MAEL: variants seen among roughly 807,000 people sequenced by gnomAD.
The protein encoded by MAEL is protein maelstrom homolog.
A neutral mutation model predicts 62.0 loss-of-function variants in MAEL; 46 were observed. That is an observed-to-expected ratio of 0.74 (90% CI 0.59 to 0.95). MAEL has a LOEUF of 0.95. MAEL is among the 40% of genes least tolerant of loss of function. The pLI is 0.00. For synonymous variants in MAEL, 172 were observed against 175.5 expected (o/e 0.98, Z 0.16); for missense variants, 497 against 526.8 (o/e 0.94, Z 0.55).
chr1:167,006,209 G>T (rs1339957924), intron 8 of MAEL: 2 of 152,050 alleles, frequency 1.3e-5, no homozygotes, highest in South Asian at 4.1e-4. Flanking sequence ...TATTCATATT[G>T]TATTAGTTAT....
chr1:167,004,692 A>G (rs955335045), intron 6 of MAEL, among the ~76,000 whole-genome samples: 1 of 152,040 alleles, frequency 6.6e-6, no homozygotes, highest in African/African-American at 2.4e-5. Context: ...TTTGTTTGTA[A>G]TATTTAGAGA....
intron 5 of MAEL, among the ~76,000 whole-genome samples, chr1:167,001,334 C>A (rs1231517008): frequency 6.6e-6 from 1 of 152,082 alleles, no homozygotes; most frequent in Non-Finnish European, 1.5e-5. Flanking sequence ...GTGATGGGTC[C>A]ACCAAAATCT....
chr1:167,021,220 TC>T, intron 11 of MAEL, 60 bp downstream of exon 11: 1 of 1,163,774 alleles, frequency 8.6e-7, no homozygotes, highest in Non-Finnish European at 1.3e-6. Context: ...ATTACTAAGA[TC>T]CCAGGTGTGG....
At chr1:167,007,681 C>T (rs1223573281) in intron 8 of MAEL, among the ~76,000 whole-genome samples, 1 of 151,892 alleles carries the variant, frequency 6.6e-6, no homozygotes, top group East Asian at 1.9e-4. Flanking sequence ...CATGAGTTCA[C>T]ACTTAACCTG....
At chr1:166,987,016 T>A (rs756448051), upstream of MAEL, among the ~76,000 whole-genome samples, 4 of 151,866 alleles carry the variant, frequency 2.6e-5, no homozygotes, top group Non-Finnish European at 4.4e-5. Flanking sequence ...TTTGTTTTTA[T>A]GCCAATGTTT....
intron 5 of MAEL, among the ~76,000 whole-genome samples, chr1:166,994,703 C>G (rs1664338231): frequency 7.5e-6 from 1 of 133,094 alleles, no homozygotes; most frequent in Non-Finnish European, 1.5e-5. Flanking sequence ...CGGAGCCTTG[C>G]TCTGTCACCA....
chr1:166,998,293 T>C (rs1052401239), intron 5 of MAEL, among the ~76,000 whole-genome samples: 1 of 152,226 alleles, frequency 6.6e-6, no homozygotes, highest in African/African-American at 2.4e-5. Flanking sequence ...CGTAATATCT[T>C]TCAATAAAAT....
At chr1:166,979,519 A>C (rs558002765) in intron 1 of MAEL, among the ~76,000 whole-genome samples, 30 of 152,366 alleles carry the variant, frequency 2.0e-4, no homozygotes, top group African/African-American at 7.0e-4. Flanking sequence ...TTGATTAAGA[A>C]AATGCTTTAA....
At position 167,021,974 on chromosome 1, in the gene MAEL, G is replaced by C. The variant is rs893687733; in HGVS notation, c.*119G>C. ...CACTACTATAAAAACTACTTAATTTGTAAGGAAATTGTTTCATAGATTTAA... is the reference window on the plus strand; with the variant it reads ...CACTACTATAAAAACTACTTAATTTCTAAGGAAATTGTTTCATAGATTTAA... On this transcript the variant is annotated 3_prime_UTR_variant, in exon 12 of 12. Coordinates refer to ENST00000367872, the MANE Select transcript of MAEL (RefSeq NM_032858.3). The C allele has an allele frequency of 1.5e-6, 1 of 670,006 alleles. No homozygotes were observed. The highest frequency in any genetic ancestry group is 2.4e-6 in the Non-Finnish European group (1 of 420,936). The allele number at this position is 670,006 out of a possible 1,614,324, so 41.5% of individuals were successfully genotyped here. A position where few individuals can be genotyped will look rare whatever the true frequency, so the allele number is the denominator to read the frequency against.
At chr1:166,989,223 G>C (rs150046632), upstream of MAEL, 2 of 1,244,978 alleles carry the variant, frequency 1.6e-6, no homozygotes, top group African/African-American at 1.5e-5. Flanking sequence ...GCGACTGCGC[G>C]TCGCTTCCTG....
chr1:167,010,281 C>G (rs1665112718), intron 8 of MAEL, among the ~76,000 whole-genome samples: 1 of 152,158 alleles, frequency 6.6e-6, no homozygotes, highest in African/African-American at 2.4e-5. Context: ...AGTTAAACCT[C>G]TTTCCTTTAT....
chr1:166,977,911 A>G (rs1327338779), intron 1 of MAEL, among the ~76,000 whole-genome samples: 3 of 152,158 alleles, frequency 2.0e-5, no homozygotes, highest in Non-Finnish European at 4.4e-5. Flanking sequence ...TGACCACGCT[A>G]CTGGACTCCA....
At chr1:166,981,048 G>C (rs1410772877) in intron 1 of MAEL, among the ~76,000 whole-genome samples, 1 of 152,198 alleles carries the variant, frequency 6.6e-6, no homozygotes, top group Non-Finnish European at 1.5e-5. Context: ...GCAGGGAAGA[G>C]AGCTAGAATG....
chr1:166,992,925 T>C (rs996777583), intron 4 of MAEL, 84 bp downstream of exon 4: 16 of 1,147,456 alleles, frequency 1.4e-5, no homozygotes, highest in Admixed American at 2.7e-5. Context: ...ATAGTACTTT[T>C]TCTTACAAGC....
At chr1:167,003,310 G>A (rs753560752) in intron 5 of MAEL, among the ~76,000 whole-genome samples, 2 of 152,182 alleles carry the variant, frequency 1.3e-5, no homozygotes, top group Non-Finnish European at 2.9e-5. Context: ...GATCGCCTCA[G>A]ACATAATTAT....
chr1:167,018,462 T>C (rs562665029), intron 10 of MAEL, among the ~76,000 whole-genome samples: 4 of 152,282 alleles, frequency 2.6e-5, no homozygotes, highest in Non-Finnish European at 5.9e-5. Flanking sequence ...TAGGTTCTGC[T>C]ACATACAAGT....
intron 4 of MAEL, 64 bp from the exon 5 acceptor site, chr1:166,993,964 G>C (rs1664298462): frequency 8.1e-7 from 1 of 1,240,254 alleles, no homozygotes; most frequent in Non-Finnish European, 1.2e-6. Context: ...ATCTTGTAGA[G>C]TATTACTGTA....
intron 8 of MAEL, among the ~76,000 whole-genome samples, chr1:167,015,936 A>G (rs1241971490): frequency 6.6e-6 from 1 of 152,248 alleles, no homozygotes; most frequent in East Asian, 1.9e-4. Context: ...ACATTGAATA[A>G]ATGTTTGTTG....
intron 4 of MAEL, 102 bp downstream of exon 4, chr1:166,992,943 C>T (rs890775552): frequency 6.4e-6 from 6 of 944,708 alleles, no homozygotes; most frequent in Admixed American, 2.9e-5. Context: ...AGCTCATGTA[C>T]AGCTGTGTTC....
Sources: gnomAD v4.1 joint callset for allele counts (sites outside exome capture counted in the v4.1 genomes callset) on GRCh38, gnomAD v4.1.1 for gene constraint, MANE v1.5 for transcripts, NCBI Gene and HGNC (gene_info 2026-07-23, HGNC 2026-07-21) for gene names.